The following RALYL variants were observed in gnomAD, a reference collection of about 807,000 sequenced individuals.
RALYL encodes RALY RNA binding protein like.
Under a neutral mutation model 35.1 loss-of-function variants are expected in RALYL, and 29 were observed. That is an observed-to-expected ratio of 0.83 (90% CI 0.61 to 1.13). RALYL has a LOEUF of 1.13. RALYL is among the 50% of genes most tolerant of loss of function. The pLI is 0.00. For synonymous variants in RALYL, 120 were observed against 127.6 expected (o/e 0.94, Z 0.40); for missense variants, 359 against 360.4 (o/e 1.00, Z 0.03).
intron 2 of RALYL, among the ~76,000 whole-genome samples, chr8:84,579,152 T>C (rs1810235664): frequency 6.6e-6 from 1 of 152,178 alleles, no homozygotes; most frequent in African/African-American, 2.4e-5. Context: ...CCCATGATTA[T>C]TGGTGCCCAA....
chr8:84,699,005 CATAG>C (rs3068019), intron 2 of RALYL, among the ~76,000 whole-genome samples: 43,160 of 144,066 alleles, frequency 0.3, 6,520 homozygotes, highest in East Asian at 0.39. Context: ...TAGGTAGGTA[CATAG>C]ATAGATAGAT....
At chr8:84,466,937 T>A (rs1204599768) in intron 1 of RALYL, among the ~76,000 whole-genome samples, 10 of 152,082 alleles carry the variant, frequency 6.6e-5, no homozygotes, top group South Asian at 4.1e-4. Context: ...CGTAGAGGTG[T>A]TTGTAGTATT....
chr8:84,625,535 A>G (rs1262076590), intron 2 of RALYL, among the ~76,000 whole-genome samples: 1 of 152,216 alleles, frequency 6.6e-6, no homozygotes, highest in East Asian at 1.9e-4. Context: ...AATTCTGATT[A>G]GCATTTACTA....
chr8:84,281,641 C>T (rs1228857215), intron 1 of RALYL, among the ~76,000 whole-genome samples: 1 of 152,088 alleles, frequency 6.6e-6, no homozygotes, highest in Non-Finnish European at 1.5e-5. Flanking sequence ...AGATATCCAT[C>T]CCCAAACTTT....
At chr8:84,691,697 A>G (rs905132942) in intron 2 of RALYL, among the ~76,000 whole-genome samples, 3 of 151,952 alleles carry the variant, frequency 2.0e-5, no homozygotes, top group Admixed American at 6.6e-5. Context: ...TAGGAAAGCA[A>G]TAGAAGAGAG....
intron 2 of RALYL, among the ~76,000 whole-genome samples, chr8:84,583,008 C>T (rs919681427): frequency 2.8e-4 from 42 of 151,988 alleles, no homozygotes; most frequent in African/African-American, 1.0e-3. Flanking sequence ...TTCCTGACTC[C>T]ATCTATCTAT....
chr8:84,918,112 T>C (rs1163334944), intron 8 of RALYL, among the ~76,000 whole-genome samples: 2 of 152,020 alleles, frequency 1.3e-5, no homozygotes, highest in Non-Finnish European at 2.9e-5. Context: ...CATTTATATA[T>C]GCTCCCTAAA....
At chr8:84,843,152 A>G (rs1189516897) in intron 4 of RALYL, among the ~76,000 whole-genome samples, 7 of 152,188 alleles carry the variant, frequency 4.6e-5, no homozygotes, top group Non-Finnish European at 1.0e-4. Flanking sequence ...AAGGGTATTC[A>G]ATTAGGAAAA....
At chr8:84,835,189 A>G (rs1352041344) in intron 4 of RALYL, among the ~76,000 whole-genome samples, 1 of 152,190 alleles carries the variant, frequency 6.6e-6, no homozygotes, top group African/African-American at 2.4e-5. Flanking sequence ...TGTGAGGGGA[A>G]AGGCTAACAA....
At position 84,522,396 on chromosome 8, in the gene RALYL, C is replaced by T. The variant is rs59959058; in HGVS notation, c.-23-6903C>T. Among the ~76,000 whole-genome samples the T allele has an allele frequency of 2.5e-3, 373 of 151,554 alleles. 7 individuals carry two copies. The East Asian group carries it at 0.051, about 21-fold the overall frequency. On this transcript the variant is annotated intron_variant, in intron 1 of 8. Coordinates refer to ENST00000521268, the MANE Select transcript of RALYL (RefSeq NM_173848.7). The stretch of plus-strand genomic sequence containing the variant: ...TCCCAAGTAGCTGGGACTACAGGCG[C>T]CCGCCACTACGCCCGGCTAATTTTT...
intron 2 of RALYL, among the ~76,000 whole-genome samples, chr8:84,718,363 A>G (rs1352619235): frequency 6.6e-6 from 1 of 152,206 alleles, no homozygotes; most frequent in African/African-American, 2.4e-5. Context: ...GGTCAGTTTC[A>G]TTATTATTTA....
chr8:84,713,724 T>C (rs1486721431), intron 2 of RALYL, among the ~76,000 whole-genome samples: 1 of 151,892 alleles, frequency 6.6e-6, no homozygotes, highest in African/African-American at 2.4e-5. Context: ...AGCAATTTCA[T>C]TTTTGGGAAT....
chr8:84,730,018 T>C lies in RALYL; in HGVS notation c.257-44561T>C, dbSNP rs568882011. ...CAATCAATAGAAAAAGAGGGAATCT[T>C]CCCTAACTCATTTTATGAGACCAAC... On this transcript the variant is annotated intron_variant, in intron 2 of 8. Transcript: ENST00000521268. Among the ~76,000 whole-genome samples the C allele has an allele frequency of 4.6e-5, 7 of 152,254 alleles. No homozygotes were observed. The East Asian group carries it at 7.7e-4, about 17-fold the overall frequency.
intron 1 of RALYL, among the ~76,000 whole-genome samples, chr8:84,259,559 T>C (rs1831819227): frequency 6.6e-6 from 1 of 152,186 alleles, no homozygotes; most frequent in Non-Finnish European, 1.5e-5. Context: ...CATGGCAGTT[T>C]AGTAATTTTT....
At position 84,826,312 on chromosome 8, in the gene RALYL, A is replaced by G. The variant is rs1829699908; in HGVS notation, c.365+21510A>G. Among the ~76,000 whole-genome samples the G allele has an allele frequency of 1.3e-5, 2 of 151,838 alleles. 1 individual carries two copies. The highest frequency in any genetic ancestry group is 4.8e-5 in the African/African-American group (2 of 41,320). ...AATCTGAAAAAAAAAAAAAAAAAAA[A>G]AAATGCATGCCTTCAACGAGGAGCT... On this transcript the variant is annotated intron_variant, in intron 4 of 8. Coordinates refer to ENST00000521268, the MANE Select transcript of RALYL (RefSeq NM_173848.7).
chr8:84,290,991 T>A (rs1838676091), intron 1 of RALYL, among the ~76,000 whole-genome samples: 1 of 152,230 alleles, frequency 6.6e-6, no homozygotes, highest in South Asian at 2.1e-4. Flanking sequence ...TATCTATTAC[T>A]TTTATCTCTT....
intron 2 of RALYL, among the ~76,000 whole-genome samples, chr8:84,584,399 T>C (rs573200026): frequency 1.3e-3 from 199 of 152,124 alleles, no homozygotes; most frequent in African/African-American, 4.5e-3. Context: ...GGTCAAGAGA[T>C]AGAGACCACC....
At chr8:84,636,420 C>A (rs889524488) in intron 2 of RALYL, among the ~76,000 whole-genome samples, 2 of 151,698 alleles carry the variant, frequency 1.3e-5, no homozygotes, top group East Asian at 3.9e-4. Flanking sequence ...GGAATGTACG[C>A]AGGACAAGTC....
chr8:84,317,571 G>A (rs1297878277), intron 1 of RALYL, among the ~76,000 whole-genome samples: 3 of 152,164 alleles, frequency 2.0e-5, no homozygotes, highest in African/African-American at 7.2e-5. Flanking sequence ...GCATACCACT[G>A]TTTCTAAAGC....
Sources: gnomAD v4.1 joint callset for allele counts (sites outside exome capture counted in the v4.1 genomes callset) on GRCh38, gnomAD v4.1.1 for gene constraint, MANE v1.5 for transcripts, NCBI Gene and HGNC (gene_info 2026-07-23, HGNC 2026-07-21) for gene names.